Variants in LMX1B observed in about 807,000 individuals in gnomAD.
The protein encoded by LMX1B is LIM homeobox transcription factor 1 beta, also known as LIM homeobox transcription factor 1-beta.
Under a neutral mutation model 51.4 loss-of-function variants are expected in LMX1B, and 12 were observed. That is an observed-to-expected ratio of 0.23 (90% confidence interval 0.15 to 0.38). The LOEUF is 0.38. Among genes scored for constraint, LMX1B ranks in the 10% least tolerant of loss-of-function variants. The pLI, the probability that LMX1B is intolerant of heterozygous loss-of-function variation, is 1.00. For missense variants in LMX1B, 445 were observed against 571.1 expected, an observed-to-expected ratio of 0.78 and a Z score of 2.25; for synonymous variants, 237 against 235.4, an observed-to-expected ratio of 1.01 and a Z score of -0.06.
In LMX1B at chr9:126,625,275, G is replaced by A. The variant is rs1835501020; in HGVS notation, c.326+9706G>A. On this transcript the variant is annotated intron_variant, in intron 2 of 7. Transcript: ENST00000373474. The surrounding 1 kb of genome is among the most constrained non-coding windows in gnomAD (Gnocchi z 5.3). ...GCCGGAGCGTTGCCGTGGGGGCGGG[G>A]GAAGGGGTGGTTTTGCGGGTGCCTT... Among the ~76,000 whole-genome samples the A allele has an allele frequency of 6.6e-6, 1 of 152,250 alleles. No individual in the cohort carries two copies. The highest frequency in any genetic ancestry group is 1.5e-5 in the Non-Finnish European group (1 of 68,044).
At chr9:126,665,255 G>A (rs889977564) in intron 2 of LMX1B, among the ~76,000 whole-genome samples, 1 of 152,236 alleles carries the variant, frequency 6.6e-6, no homozygotes, top group African/African-American at 2.4e-5. Context: ...TGATTTGGGG[G>A]GAGGGGCGGT....
chr9:126,670,001 A>G (rs1177544867), intron 2 of LMX1B, among the ~76,000 whole-genome samples: 3 of 152,186 alleles, frequency 2.0e-5, no homozygotes, highest in African/African-American at 7.2e-5. Flanking sequence ...TTGGTGGACA[A>G]CTAGGGGTGA....
intron 2 of LMX1B, among the ~76,000 whole-genome samples, chr9:126,685,361 G>C (rs1429207307): frequency 2.0e-5 from 3 of 152,162 alleles, no homozygotes; most frequent in Non-Finnish European, 4.4e-5. Flanking sequence ...CCACAGCGAG[G>C]TCTTTGGGCT....
At chr9:126,666,028 C>T (rs1439393483) in intron 2 of LMX1B, among the ~76,000 whole-genome samples, 1 of 152,256 alleles carries the variant, frequency 6.6e-6, no homozygotes, top group Admixed American at 6.5e-5. Flanking sequence ...CCGAGCTAGG[C>T]GCTGTGCCGA....
At chr9:126,694,259 G>GC (rs1170818860) in intron 6 of LMX1B, among the ~76,000 whole-genome samples, 1 of 152,116 alleles carries the variant, frequency 6.6e-6, no homozygotes, top group African/African-American at 2.4e-5. Flanking sequence ...GGGGGGTATT[G>GC]CCATGTCCCA....
chr9:126,682,083 CTTTTTTTTTTTTT>C (rs71377953), intron 2 of LMX1B, among the ~76,000 whole-genome samples: 2 of 53,378 alleles, frequency 3.7e-5, no homozygotes, highest in African/African-American at 8.5e-5. Context: ...TCCCCAGGGT[CTTTTTTTTTTTTT>C]TTTTTTTTTT....
intron 2 of LMX1B, among the ~76,000 whole-genome samples, chr9:126,648,255 C>T (rs74652729): frequency 3.1e-3 from 473 of 152,280 alleles, no homozygotes; most frequent in Non-Finnish European, 5.0e-3. Flanking sequence ...CACTAATAGC[C>T]GGGAACATTA....
At chr9:126,675,651 G>T (rs80156737) in intron 2 of LMX1B, among the ~76,000 whole-genome samples, 1 of 151,638 alleles carries the variant, frequency 6.6e-6, no homozygotes, top group Non-Finnish European at 1.5e-5. Flanking sequence ...CTTGAACCCG[G>T]GAGGCAGAGG....
chr9:126,643,408 G>C (rs893185208), intron 2 of LMX1B, among the ~76,000 whole-genome samples: 5 of 152,122 alleles, frequency 3.3e-5, no homozygotes, highest in Non-Finnish European at 5.9e-5. Context: ...TGTGACCCTG[G>C]CTCAGTCACT....
At chr9:126,665,748 C>A (rs964012637) in intron 2 of LMX1B, among the ~76,000 whole-genome samples, 7 of 152,216 alleles carry the variant, frequency 4.6e-5, no homozygotes, top group African/African-American at 1.4e-4. Context: ...CACCAGCTGC[C>A]CCCTACCAAC....
intron 6 of LMX1B, among the ~76,000 whole-genome samples, chr9:126,694,602 G>A (rs548480309): frequency 6.6e-6 from 1 of 152,348 alleles, no homozygotes; most frequent in South Asian, 2.1e-4. Context: ...GAAGCAGGCG[G>A]GGGACAGAGC....
At position 126,641,346 on chromosome 9, in the gene LMX1B, T is replaced by C. The variant is rs552870361; in HGVS notation, c.326+25777T>C. The C allele has an allele frequency of 1.3e-5, 2 of 152,370 alleles. No homozygotes were observed. The highest frequency in any genetic ancestry group is 1.3e-4 in the Admixed American group (2 of 15,308). 9.4% of individuals were successfully genotyped at this position (152,370 alleles called of 1,614,324 possible). On this transcript the variant is annotated intron_variant, in intron 2 of 7. Coordinates refer to ENST00000373474, the MANE Select transcript of LMX1B (RefSeq NM_001174147.2). This position sits in a 1 kb window ranked among gnomAD's most constrained non-coding sequence, Gnocchi z 4.1. ...AAGTGCCTTGCAACCATCATCTCTC[T>C]GCATCCTCAGGAAGCATAGGTACCA...
intron 6 of LMX1B, 110 bp downstream of exon 6, chr9:126,693,922 G>T (rs906435689): frequency 3.1e-6 from 2 of 644,390 alleles, no homozygotes; most frequent in East Asian, 2.7e-5. Context: ...GTGAGCCTGG[G>T]CCAGGGCTGG....
At chr9:126,653,595 C>T (rs893447647) in intron 2 of LMX1B, among the ~76,000 whole-genome samples, 4 of 152,196 alleles carry the variant, frequency 2.6e-5, no homozygotes, top group Non-Finnish European at 5.9e-5. Context: ...AGGACGTCCA[C>T]GTCAACACAG....
chr9:126,693,672 G>T (rs1215623607), intron 5 of LMX1B, 71 bp downstream of exon 5: 1 of 1,600,770 alleles, frequency 6.2e-7, no homozygotes, highest in Non-Finnish European at 8.5e-7. Context: ...AGAAGACTAC[G>T]GTCCAGGGGG....
At chr9:126,684,988 T>C (rs1015118366) in intron 2 of LMX1B, among the ~76,000 whole-genome samples, 1 of 152,180 alleles carries the variant, frequency 6.6e-6, no homozygotes, top group Non-Finnish European at 1.5e-5. Context: ...TGGCTGCCCA[T>C]TTAGTTTCAC....
At chr9:126,696,117 C>G in intron 7 of LMX1B, 114 bp downstream of exon 7, 1 of 1,181,328 alleles carries the variant, frequency 8.5e-7, no homozygotes, top group Non-Finnish European at 1.2e-6. Context: ...GGCAGCATGG[C>G]CAGCACAGCC....
intron 3 of LMX1B, 65 bp downstream of exon 3, chr9:126,691,133 G>T (rs2030116588): frequency 7.5e-7 from 1 of 1,325,080 alleles, no homozygotes; most frequent in Non-Finnish European, 1.1e-6. Flanking sequence ...TCCTGGAGGG[G>T]AGTCCCGGCT....
At chr9:126,663,737 T>A (rs917450309) in intron 2 of LMX1B, among the ~76,000 whole-genome samples, 1 of 152,268 alleles carries the variant, frequency 6.6e-6, no homozygotes, top group Non-Finnish European at 1.5e-5. Flanking sequence ...AGGCAGTGTC[T>A]GGCACATAGT....
Sources: allele counts gnomAD v4.1 joint callset (sites outside exome capture counted in the v4.1 genomes callset), GRCh38; gene constraint gnomAD v4.1.1; non-coding constraint Gnocchi (gnomAD v3.1); transcripts MANE v1.5; gene names NCBI Gene and HGNC (gene_info 2026-07-23, HGNC 2026-07-21).